Variants in TBC1D14 observed in about 807,000 individuals in gnomAD.
TBC1D14 encodes TBC1 domain family, member 14.
In TBC1D14, 26 loss-of-function variants were observed where a neutral mutation model predicts 79.0. The observed-to-expected ratio is 0.33, with a 90% CI of 0.24 to 0.46. TBC1D14 has a LOEUF of 0.46. TBC1D14 is among the 20% of genes least tolerant of loss of function. The pLI is 1.00. For missense variants in TBC1D14, 769 were observed against 887.6 expected (o/e 0.87, Z 1.70); for synonymous variants, 394 against 349.9 (o/e 1.13, Z -1.40).
intron 1 of TBC1D14, among the ~76,000 whole-genome samples, chr4:6,916,216 C>T (rs1049672719): frequency 1.1e-4 from 16 of 151,910 alleles, no homozygotes; most frequent in Non-Finnish European, 2.1e-4. Flanking sequence ...GAGCGCACCA[C>T]CCTTTGAGGA....
chr4:6,999,011 C>A, intron 5 of TBC1D14, 74 bp from the exon 6 acceptor site: 1 of 1,476,612 alleles, frequency 6.8e-7, no homozygotes, highest in Non-Finnish European at 9.4e-7. Context: ...CGCAGTGTGA[C>A]AGGAAAATCA....
At chr4:6,919,694 C>T (rs1378460286) in intron 1 of TBC1D14, among the ~76,000 whole-genome samples, 1 of 151,982 alleles carries the variant, frequency 6.6e-6, no homozygotes, top group African/African-American at 2.4e-5. Context: ...TATCTCGGCT[C>T]ACTGCAACCT....
intron 3 of TBC1D14, among the ~76,000 whole-genome samples, chr4:6,983,291 T>TA: frequency 6.6e-6 from 1 of 152,222 alleles, no homozygotes; most frequent in Middle Eastern, 3.4e-3. Context: ...TATATATATA[T>TA]TTTTAATGTG....
intron 3 of TBC1D14, among the ~76,000 whole-genome samples, chr4:6,972,440 G>A (rs1716307651): frequency 6.6e-6 from 1 of 152,148 alleles, no homozygotes; most frequent in Non-Finnish European, 1.5e-5. Context: ...CTCCTTGAGT[G>A]ACTTTCTTGC....
intron 2 of TBC1D14, among the ~76,000 whole-genome samples, chr4:6,945,467 A>T (rs1346623397): frequency 1.3e-5 from 2 of 152,168 alleles, no homozygotes; most frequent in Non-Finnish European, 2.9e-5. Context: ...AAGAAAGCAT[A>T]GCTGGTCGTG....
At chr4:6,925,230 G>A (rs777999119) in intron 2 of TBC1D14, among the ~76,000 whole-genome samples, 47 of 152,282 alleles carry the variant, frequency 3.1e-4, no homozygotes, top group Non-Finnish European at 3.8e-4. Context: ...TCGCGCCACC[G>A]CACTCCAGCC....
At chr4:6,955,987 A>T (rs535920219) in intron 2 of TBC1D14, among the ~76,000 whole-genome samples, 1 of 152,300 alleles carries the variant, frequency 6.6e-6, no homozygotes, top group Admixed American at 6.5e-5. Flanking sequence ...TATAAAAATT[A>T]ATTGAAAAAA....
At chr4:6,987,300 G>C (rs1271122425) in intron 3 of TBC1D14, 2 of 1,364,566 alleles carry the variant, frequency 1.5e-6, no homozygotes, top group Non-Finnish European at 1.9e-6. Flanking sequence ...CCCTCCGCTC[G>C]CTGGGCATGG....
intron 2 of TBC1D14, among the ~76,000 whole-genome samples, chr4:6,957,215 A>G (rs1376702188): frequency 6.6e-6 from 1 of 152,204 alleles, no homozygotes; most frequent in East Asian, 1.9e-4. Flanking sequence ...GAAGGGCCTG[A>G]GTTTGAGTCC....
At chr4:6,947,029 T>G (rs192551493) in intron 2 of TBC1D14, among the ~76,000 whole-genome samples, 198 of 152,342 alleles carry the variant, frequency 1.3e-3, no homozygotes, top group African/African-American at 4.6e-3. Flanking sequence ...CTAAGTTACA[T>G]GGGCATTTTT....
In TBC1D14 at chr4:6,990,319, C is replaced by T. The variant is rs985806327; in HGVS notation, c.844-3865C>T. On this transcript the variant is annotated intron_variant, in intron 3 of 13. Transcript: ENST00000409757. ...CAAAAATTAGCTGGGCCTGGTGGCA[C>T]GCGCTTGTAATCCCAGCTACTTGGG... Among the ~76,000 whole-genome samples the T allele has an allele frequency of 8.5e-5, 13 of 152,228 alleles. No individual in the cohort carries two copies. In the East Asian group the frequency reaches 1.4e-3, roughly 16 times the overall value.
In TBC1D14 at chr4:6,921,035, C is replaced by A. The variant is rs546224345; in HGVS notation, c.-17-2338C>A. Among the ~76,000 whole-genome samples the A allele has an allele frequency of 2.0e-5, 3 of 152,336 alleles. No homozygotes were observed. In the East Asian group the frequency reaches 5.8e-4, roughly 29 times the overall value. ...CCTCAGGTGATCCACCTGCTTCGGC[C>A]TCCCAGTGTGCTGGGATTACAGGCG... is the stretch of plus-strand genomic sequence containing the variant. On this transcript the variant is annotated intron_variant, in intron 1 of 13. Transcript: ENST00000409757.
intron 2 of TBC1D14, among the ~76,000 whole-genome samples, chr4:6,931,307 G>C (rs572870351): frequency 2.0e-5 from 3 of 152,192 alleles, no homozygotes; most frequent in African/African-American, 7.2e-5. Flanking sequence ...ATTACCTCTC[G>C]ATTGCAGAAT....
At chr4:6,991,895 G>A (rs1449347162) in intron 3 of TBC1D14, among the ~76,000 whole-genome samples, 3 of 152,220 alleles carry the variant, frequency 2.0e-5, no homozygotes, top group African/African-American at 7.2e-5. Context: ...GATGTTTCTG[G>A]TCATGACTCA....
At chr4:6,951,353 A>C (rs1421158967) in intron 2 of TBC1D14, among the ~76,000 whole-genome samples, 1 of 152,146 alleles carries the variant, frequency 6.6e-6, no homozygotes, top group African/African-American at 2.4e-5. Flanking sequence ...TGTATTCAAA[A>C]AAGTCCATTT....
At chr4:6,955,999 C>T (rs1293562880) in intron 2 of TBC1D14, among the ~76,000 whole-genome samples, 1 of 152,106 alleles carries the variant, frequency 6.6e-6, no homozygotes, top group Admixed American at 6.5e-5. Context: ...TTGAAAAAAG[C>T]TTTCATTCAA....
At chr4:6,952,998 C>T (rs528043499) in intron 2 of TBC1D14, among the ~76,000 whole-genome samples, 112 of 149,076 alleles carry the variant, frequency 7.5e-4, no homozygotes, top group African/African-American at 2.7e-3. Context: ...CCCACTGTCA[C>T]GCCTAGCTAA....
intron 3 of TBC1D14, among the ~76,000 whole-genome samples, chr4:6,973,974 C>T (rs1404061283): frequency 1.3e-5 from 2 of 152,060 alleles, no homozygotes; most frequent in Admixed American, 1.3e-4. Flanking sequence ...CAGGCGTGCA[C>T]CACCACCCCC....
In TBC1D14 at chr4:6,923,833, G is replaced by A. The variant is rs1247923212; in HGVS notation, c.444G>A (p.Leu148=). 4.0e-5 allele frequency: 65 copies of A among 1,614,058 alleles called. No homozygotes were observed. The highest frequency in any genetic ancestry group is 5.3e-5 in the Non-Finnish European group (62 of 1,180,062). ...TCTATAGCCCGACCTCCAAAGCCCT[G>A]ACCCGCAGCGATGATGTCTCCGTCT... The part of the protein sequence containing the change: ...VKLYSPTSKA[L]TRSDDVSVCS... Residue 148 remains leucine (L), a synonymous_variant, in exon 2 of 14, where the codon CTG becomes CTA. Transcript: ENST00000409757.
Sources: gnomAD v4.1 joint callset for allele counts (sites outside exome capture counted in the v4.1 genomes callset) on GRCh38, gnomAD v4.1.1 for gene constraint, MANE v1.5 for transcripts, NCBI Gene and HGNC (gene_info 2026-07-23, HGNC 2026-07-21) for gene names.